Variants in ST8SIA6 observed in about 807,000 individuals in gnomAD.
ST8SIA6 encodes the protein ST8 alpha-N-acetyl-neuraminide alpha-2,8-sialyltransferase 6.
In ST8SIA6, 39 loss-of-function variants were observed where a neutral mutation model predicts 33.6. The ratio of observed to expected loss-of-function variants is 1.16; its 90% CI spans 0.90 to 1.52. The LOEUF (loss-of-function observed/expected upper bound fraction) is 1.52. Ranked by LOEUF, ST8SIA6 falls within the 40% of genes most tolerant of loss-of-function variation. The pLI is 0.00. For synonymous variants in ST8SIA6, 172 were observed against 167.2 expected, an observed-to-expected ratio of 1.03 and a Z score of -0.22; for missense variants, 441 against 443.8, an observed-to-expected ratio of 0.99 and a Z score of 0.06.
At chr10:17,373,355 T>C (rs1207418936) in intron 3 of ST8SIA6, among the ~76,000 whole-genome samples, 1 of 152,204 alleles carries the variant, frequency 6.6e-6, no homozygotes. Flanking sequence ...ATGTTACATA[T>C]ATAGCACATG....
chr10:17,349,848 TC>T (rs913121334), intron 4 of ST8SIA6, among the ~76,000 whole-genome samples: 3 of 152,146 alleles, frequency 2.0e-5, no homozygotes, highest in Non-Finnish European at 4.4e-5. Flanking sequence ...TGACCTATTT[TC>T]TGAACCACCT....
intron 2 of ST8SIA6, among the ~76,000 whole-genome samples, chr10:17,432,833 G>A (rs1378003247): frequency 1.3e-5 from 2 of 152,242 alleles, no homozygotes; most frequent in Middle Eastern, 3.4e-3. Flanking sequence ...CAATCCCAGC[G>A]GCCATACTTC....
chr10:17,437,652 TC>T (rs540853956), intron 2 of ST8SIA6, among the ~76,000 whole-genome samples: 9,591 of 138,144 alleles, frequency 0.069, 941 homozygotes, highest in African/African-American at 0.2. Context: ...CTTCCTTCCT[TC>T]CTTCCTTCCT....
chr10:17,445,728 A>T (rs1852682146), intron 2 of ST8SIA6, among the ~76,000 whole-genome samples: 1 of 152,202 alleles, frequency 6.6e-6, no homozygotes, highest in Non-Finnish European at 1.5e-5. Context: ...CGTACTACAT[A>T]ATACAGCAAC....
intron 2 of ST8SIA6, among the ~76,000 whole-genome samples, chr10:17,416,630 C>T (rs1439215708): frequency 3.3e-5 from 5 of 152,136 alleles, no homozygotes; most frequent in East Asian, 1.9e-4. Flanking sequence ...GGGCTTTTGA[C>T]GATTCAGCCG....
chr10:17,407,497 A>C (rs1276399315), intron 2 of ST8SIA6, among the ~76,000 whole-genome samples: 1 of 152,100 alleles, frequency 6.6e-6, no homozygotes, highest in Non-Finnish European at 1.5e-5. Context: ...CCCCACCCTC[A>C]ATCACCTTTC....
intron 5 of ST8SIA6, among the ~76,000 whole-genome samples, chr10:17,328,455 C>T (rs189002358): frequency 4.6e-5 from 7 of 152,256 alleles, no homozygotes; most frequent in East Asian, 1.9e-4. Context: ...TTCAATGGTG[C>T]GCTTTCCTTC....
chr10:17,373,434 A>C (rs548727752), intron 3 of ST8SIA6, among the ~76,000 whole-genome samples: 1 of 152,178 alleles, frequency 6.6e-6, no homozygotes, highest in Admixed American at 6.5e-5. Flanking sequence ...TGACTTTACC[A>C]TGTAATACAG....
At chr10:17,452,171 C>T (rs758158055) in intron 2 of ST8SIA6, among the ~76,000 whole-genome samples, 10 of 151,944 alleles carry the variant, frequency 6.6e-5, no homozygotes, top group Non-Finnish European at 1.5e-4. Context: ...CTATAGGACA[C>T]TATTTTTCTC....
intron 2 of ST8SIA6, among the ~76,000 whole-genome samples, chr10:17,442,899 G>A (rs1024980532): frequency 1.3e-5 from 2 of 152,108 alleles, no homozygotes; most frequent in Non-Finnish European, 2.9e-5. Flanking sequence ...CAAAAACCTA[G>A]ACAAGGCAAC....
rs764934295 is a variant in ST8SIA6, at chr10:17,320,783, C to T, written c.*95G>A. On this transcript the variant is annotated 3_prime_UTR_variant, in exon 8 of 8. Transcript: ENST00000377602. ...TCAAACCAAATTTTGGGGCTCATCT[C>T]AAAATACTCTTTAGCCACCTCCTTT... 26 of 1,378,242 alleles carry T rather than the reference C, an allele frequency of 1.9e-5. No homozygotes were observed. Among genetic ancestry groups the T allele is most frequent in the Non-Finnish European group, 2.5e-5 (25 of 1,005,180 alleles). 85.4% of individuals were successfully genotyped at this position (1,378,242 alleles called of 1,614,324 possible).
intron 2 of ST8SIA6, among the ~76,000 whole-genome samples, chr10:17,449,314 T>G (rs17367940): frequency 0.014 from 2,061 of 152,228 alleles, 26 homozygotes; most frequent in Non-Finnish European, 0.022. Flanking sequence ...AAGAGCTGGT[T>G]ATTTAAAGAA....
chr10:17,448,539 C>A (rs1427529356), intron 2 of ST8SIA6, among the ~76,000 whole-genome samples: 1 of 152,194 alleles, frequency 6.6e-6, no homozygotes, highest in African/African-American at 2.4e-5. Context: ...TTCAACCCCT[C>A]ATTTCTAATG....
At chr10:17,387,253 AT>A (rs34212118) in intron 3 of ST8SIA6, among the ~76,000 whole-genome samples, 57,222 of 145,264 alleles carry the variant, frequency 0.39, 11,833 homozygotes, top group East Asian at 0.63. Context: ...GAAAACAATA[AT>A]TTTTTTTTTT....
intron 3 of ST8SIA6, among the ~76,000 whole-genome samples, chr10:17,379,532 C>G (rs954245954): frequency 1.3e-5 from 2 of 152,206 alleles, no homozygotes; most frequent in African/African-American, 4.8e-5. Flanking sequence ...TATCCCTCTG[C>G]TCATTAAGAT....
At chr10:17,405,530 TA>T (rs1235557274) in intron 2 of ST8SIA6, among the ~76,000 whole-genome samples, 3 of 149,864 alleles carry the variant, frequency 2.0e-5, no homozygotes, top group Non-Finnish European at 3.0e-5. Context: ...GGATAAACTT[TA>T]AAGGCAAGTG....
At chr10:17,337,157 C>CCTCCTG (rs61561216) in intron 4 of ST8SIA6, among the ~76,000 whole-genome samples, 53,180 of 151,554 alleles carry the variant, frequency 0.35, 10,605 homozygotes, top group African/African-American at 0.54. Context: ...TCTCTCTCTT[C>CCTCCTG]CTCCGGCCGT....
At position 17,318,184 on chromosome 10, in the gene ST8SIA6, G is replaced by A. The variant is rs1353516441; in HGVS notation, c.*2694C>T. ...CTCTTAGAAACTGGTAGTATGCAGCGTTATGAGCTAGAATCCTAACTAAAG... is the reference window on the plus strand; with the variant it reads ...CTCTTAGAAACTGGTAGTATGCAGCATTATGAGCTAGAATCCTAACTAAAG... On this transcript the variant is annotated 3_prime_UTR_variant, in exon 8 of 8. Transcript: ENST00000377602. 2.6e-5 allele frequency among the ~76,000 whole-genome samples: 4 copies of A among 151,826 alleles called. No homozygotes were observed. The highest frequency in any genetic ancestry group is 1.9e-4 in the East Asian group (1 of 5,172).
chr10:17,375,262 C>A (rs45542537), intron 3 of ST8SIA6, among the ~76,000 whole-genome samples: 27,506 of 152,130 alleles, frequency 0.18, 2,636 homozygotes, highest in South Asian at 0.22. Flanking sequence ...AAAATCTTGT[C>A]TATGACCAAA....
Sources: gnomAD v4.1 joint callset for allele counts (sites outside exome capture counted in the v4.1 genomes callset) on GRCh38, gnomAD v4.1.1 for gene constraint, MANE v1.5 for transcripts, NCBI Gene and HGNC (gene_info 2026-07-23, HGNC 2026-07-21) for gene names.